EXOC4: variants seen among roughly 807,000 people sequenced by gnomAD.
EXOC4 encodes the protein exocyst complex component 4.
Under a neutral mutation model 107.2 loss-of-function variants are expected in EXOC4, and 71 were observed. That is an observed-to-expected ratio of 0.66 (90% CI 0.55 to 0.81). The LOEUF is 0.81. Among genes scored for constraint, EXOC4 ranks in the 30% least tolerant of loss-of-function variants. The pLI is 0.00. For missense variants in EXOC4, 1,108 were observed against 1,189.6 expected (o/e 0.93, Z 1.01); for synonymous variants, 456 against 441.2 (o/e 1.03, Z -0.42).
intron 9 of EXOC4, among the ~76,000 whole-genome samples, chr7:133,514,581 A>T (rs1057199424): frequency 6.6e-6 from 1 of 152,232 alleles, no homozygotes; most frequent in Admixed American, 6.5e-5. Context: ...GAGCAGCATT[A>T]GATAACCCCT....
chr7:133,658,164 C>G (rs1289627254), intron 10 of EXOC4, among the ~76,000 whole-genome samples: 1 of 151,988 alleles, frequency 6.6e-6, no homozygotes, highest in Admixed American at 6.6e-5. Context: ...CAGCATGTGC[C>G]AAGGCGGTAA....
At chr7:133,774,027 A>C (rs1796297763) in intron 10 of EXOC4, among the ~76,000 whole-genome samples, 1 of 152,118 alleles carries the variant, frequency 6.6e-6, no homozygotes, top group Non-Finnish European at 1.5e-5. Context: ...GCTGGGATTA[A>C]GGATATGGTG....
intron 11 of EXOC4, among the ~76,000 whole-genome samples, chr7:133,831,724 T>C (rs1414961140): frequency 6.6e-6 from 1 of 152,204 alleles, no homozygotes; most frequent in African/African-American, 2.4e-5. Context: ...AGTTTTAGAA[T>C]GTTTCTTGTA....
At chr7:133,322,994 A>T (rs1161006469) in intron 5 of EXOC4, among the ~76,000 whole-genome samples, 1 of 152,126 alleles carries the variant, frequency 6.6e-6, no homozygotes, top group Admixed American at 6.5e-5. Context: ...ATGGGAGTTC[A>T]CTCATGATTT....
chr7:133,255,714 A>G (rs1376151147), intron 1 of EXOC4, among the ~76,000 whole-genome samples: 24 of 152,172 alleles, frequency 1.6e-4, no homozygotes, highest in Admixed American at 1.6e-3. Flanking sequence ...GGTAGCTATA[A>G]CTTCCTGTTA....
At chr7:134,099,407 C>G in the EXOC4 span, among the ~76,000 whole-genome samples, 2 of 151,956 alleles carry the variant, frequency 1.3e-5, no homozygotes, top group South Asian at 2.1e-4. Flanking sequence ...TGTCTTATAC[C>G]TAGAGGGAAG....
intron 10 of EXOC4, among the ~76,000 whole-genome samples, chr7:133,796,420 C>T (rs1032621863): frequency 6.6e-6 from 1 of 152,182 alleles, no homozygotes; most frequent in Admixed American, 6.5e-5. Context: ...AACTGGATAG[C>T]TTTGCCTATT....
At chr7:133,424,362 G>A (rs6976440) in intron 7 of EXOC4, among the ~76,000 whole-genome samples, 117,277 of 151,728 alleles carry the variant, frequency 0.77, 45,972 homozygotes, top group East Asian at 0.95. Flanking sequence ...CAGACGCGCC[G>A]CCTTTAAGAG....
chr7:133,685,517 A>G (rs1794278488), intron 10 of EXOC4, among the ~76,000 whole-genome samples: 1 of 152,192 alleles, frequency 6.6e-6, no homozygotes, highest in Admixed American at 6.5e-5. Flanking sequence ...TTATAGTAGT[A>G]TGAAAATGGA....
chr7:133,806,536 T>A (rs1354940170), intron 10 of EXOC4, among the ~76,000 whole-genome samples: 2 of 152,230 alleles, frequency 1.3e-5, no homozygotes, highest in Non-Finnish European at 2.9e-5. Flanking sequence ...AGTAATATTA[T>A]GGTCCTCTCC....
intron 9 of EXOC4, among the ~76,000 whole-genome samples, chr7:133,561,534 GATTGCCTAAGACTGA>G (rs999947129): frequency 6.6e-6 from 1 of 152,122 alleles, no homozygotes; most frequent in Non-Finnish European, 1.5e-5. Context: ...GCTATTTCTT[GATTGCCTAAGACTGA>G]ATTGCCTTGG....
chr7:133,961,280 C>CTTTTTTTTTTTT lies in EXOC4; in HGVS notation c.2206+23224_2206+23235dup, dbSNP rs34400471. ...TTAAACCAATGAGACTCATGTCAAACTTTTTTTTTTTTTTTTTTTTTTTTG... is the reference window on the plus strand; with the variant it reads ...TTAAACCAATGAGACTCATGTCAAACTTTTTTTTTTTTTTTTTTTTTTTTTTTTTTTTTTTTG... On this transcript the variant is annotated intron_variant, in intron 14 of 17. Coordinates refer to ENST00000253861, the MANE Select transcript of EXOC4 (RefSeq NM_021807.4). Among the ~76,000 whole-genome samples the CTTTTTTTTTTTT allele has an allele frequency of 1.9e-4, 15 of 77,018 alleles. 1 individual carries two copies. The highest frequency in any genetic ancestry group is 2.7e-4 in the African/African-American group (5 of 18,348). 50.5% of individuals were successfully genotyped at this position (77,018 alleles called of 152,430 possible).
At chr7:133,828,854 T>C (rs2042450) in intron 11 of EXOC4, among the ~76,000 whole-genome samples, 7,811 of 152,238 alleles carry the variant, frequency 0.051, 688 homozygotes, top group African/African-American at 0.18. Context: ...AAGCAAGACT[T>C]CTTCTTCTCA....
At chr7:134,091,403 C>T in the EXOC4 span, among the ~76,000 whole-genome samples, 2 of 152,164 alleles carry the variant, frequency 1.3e-5, no homozygotes, top group African/African-American at 4.8e-5. Flanking sequence ...GTGAGAATGA[C>T]CAAAGGTCAC....
intron 7 of EXOC4, among the ~76,000 whole-genome samples, chr7:133,436,840 G>A (rs375862760): frequency 6.6e-6 from 1 of 152,030 alleles, no homozygotes; most frequent in East Asian, 1.9e-4. Context: ...TTGCTTGTGT[G>A]GATAATTACT....
intron 11 of EXOC4, among the ~76,000 whole-genome samples, chr7:133,836,765 G>A (rs540343988): frequency 2.4e-3 from 368 of 152,218 alleles, no homozygotes; most frequent in Non-Finnish European, 2.9e-3. Context: ...CGTCAGCCTG[G>A]ATCCATCCTC....
chr7:133,711,466 C>T (rs1794891994), intron 10 of EXOC4, among the ~76,000 whole-genome samples: 1 of 152,084 alleles, frequency 6.6e-6, no homozygotes, highest in African/African-American at 2.4e-5. Context: ...CATAAAAGTA[C>T]ATGGTATTAA....
chr7:133,599,265 A>G (rs1054796231), intron 9 of EXOC4, among the ~76,000 whole-genome samples: 2 of 152,178 alleles, frequency 1.3e-5, no homozygotes, highest in Non-Finnish European at 2.9e-5. Flanking sequence ...TTAATAGAGG[A>G]CATGACTCTG....
intron 9 of EXOC4, chr7:133,576,515 A>G (rs1487367399): frequency 7.8e-7 from 1 of 1,288,144 alleles, no homozygotes; most frequent in Non-Finnish European, 1.0e-6. Flanking sequence ...GTTTTCTTAC[A>G]TGGCCAATTT....
Sources: gnomAD v4.1 joint callset for allele counts (sites outside exome capture counted in the v4.1 genomes callset) on GRCh38, gnomAD v4.1.1 for gene constraint, MANE v1.5 for transcripts, NCBI Gene and HGNC (gene_info 2026-07-23, HGNC 2026-07-21) for gene names.